Variants in ATG7 observed in about 807,000 individuals in gnomAD.
ATG7 encodes ubiquitin-like modifier-activating enzyme ATG7.
Under a neutral mutation model 82.4 loss-of-function variants are expected in ATG7, and 70 were observed. The ratio of observed to expected loss-of-function variants is 0.85; its 90% CI spans 0.70 to 1.04. The LOEUF (loss-of-function observed/expected upper bound fraction) is 1.04, where lower values mean the gene tolerates loss of function less well. ATG7 is among the 50% of genes least tolerant of loss of function. The probability of loss-of-function intolerance (pLI) is 0.00; values close to 1 mark genes in which losing one functional copy is unlikely to be tolerated. For missense variants in ATG7, 792 were observed against 864.3 expected, an observed-to-expected ratio of 0.92 and a Z score of 1.05; for synonymous variants, 287 against 313.0, an observed-to-expected ratio of 0.92 and a Z score of 0.88.
At chr3:11,342,847 A>C (rs1405609431) in intron 13 of ATG7, among the ~76,000 whole-genome samples, 3 of 149,640 alleles carry the variant, frequency 2.0e-5, no homozygotes, top group Non-Finnish European at 4.4e-5. Flanking sequence ...TTTTTTTTTT[A>C]GGAAAAAAAC....
At chr3:11,353,537 A>G (rs539725559) in intron 14 of ATG7, among the ~76,000 whole-genome samples, 3 of 152,332 alleles carry the variant, frequency 2.0e-5, no homozygotes, top group Admixed American at 1.3e-4. Flanking sequence ...CTCATGTTGA[A>G]TTGTGATCCT....
intron 18 of ATG7, among the ~76,000 whole-genome samples, chr3:11,368,815 T>C (rs1289871345): frequency 6.6e-6 from 1 of 150,908 alleles, no homozygotes; most frequent in East Asian, 1.9e-4. Flanking sequence ...GCATTCCTGC[T>C]TTATCCCACT....
intron 18 of ATG7, among the ~76,000 whole-genome samples, chr3:11,377,347 A>G (rs905629285): frequency 6.6e-6 from 1 of 152,212 alleles, no homozygotes; most frequent in Non-Finnish European, 1.5e-5. Context: ...TTCCTAGTAA[A>G]GAACTGTCTG....
chr3:11,427,539 C>T (rs540059937), intron 20 of ATG7, among the ~76,000 whole-genome samples: 7 of 150,196 alleles, frequency 4.7e-5, no homozygotes, highest in East Asian at 2.0e-4. Context: ...AATTATCGGC[C>T]GGGCGAGGTG....
At chr3:11,444,916 A>G (rs2084372686) in intron 20 of ATG7, among the ~76,000 whole-genome samples, 1 of 152,224 alleles carries the variant, frequency 6.6e-6, no homozygotes. Context: ...ACACACTTCT[A>G]AAAGAAGACA....
At chr3:11,351,926 T>G (rs1017213833) in intron 14 of ATG7, among the ~76,000 whole-genome samples, 2 of 151,870 alleles carry the variant, frequency 1.3e-5, no homozygotes, top group Middle Eastern at 3.4e-3. Flanking sequence ...TATGTATACA[T>G]GTGCCATGTT....
chr3:11,295,759 ATTTCTTTCTTTCT>A (rs72396055), intron 3 of ATG7, among the ~76,000 whole-genome samples: 73,690 of 142,362 alleles, frequency 0.52, 19,911 homozygotes, highest in Non-Finnish European at 0.62. Flanking sequence ...TACTGGTTCT[ATTTCTTTCTTTCT>A]TTTCTTTCTT....
At chr3:11,572,678 C>G in the ATG7 span, among the ~76,000 whole-genome samples, 2 of 152,184 alleles carry the variant, frequency 1.3e-5, no homozygotes. Context: ...TGCCAGCACA[C>G]TGTATGTCTT....
At chr3:11,544,705 G>T (rs1028985828) in intron 20 of ATG7, among the ~76,000 whole-genome samples, 1 of 152,250 alleles carries the variant, frequency 6.6e-6, no homozygotes, top group Non-Finnish European at 1.5e-5. Context: ...CGAGGGGCCC[G>T]CCCTTGACTG....
At chr3:11,460,886 T>G (rs112172792) in intron 20 of ATG7, among the ~76,000 whole-genome samples, 2,596 of 152,294 alleles carry the variant, frequency 0.017, 79 homozygotes, top group African/African-American at 0.059. Context: ...TCCATCCATG[T>G]GTATGGAGCC....
intron 20 of ATG7, among the ~76,000 whole-genome samples, chr3:11,515,407 G>A (rs951513199): frequency 6.6e-6 from 1 of 152,088 alleles, no homozygotes; most frequent in East Asian, 1.9e-4. Flanking sequence ...CGGTTCAAGC[G>A]ATTGTCCTGC....
chr3:11,574,611 A>G, the ATG7 span, among the ~76,000 whole-genome samples: 2 of 152,204 alleles, frequency 1.3e-5, no homozygotes, highest in African/African-American at 4.8e-5. Context: ...GCAGTTAACA[A>G]TAATACACTA....
chr3:11,538,851 G>A (rs1190577915), intron 20 of ATG7, among the ~76,000 whole-genome samples: 1 of 143,492 alleles, frequency 7.0e-6, no homozygotes, highest in Non-Finnish European at 1.5e-5. Flanking sequence ...CACATACTGG[G>A]CAACAGAGTG....
intron 20 of ATG7, among the ~76,000 whole-genome samples, chr3:11,440,866 T>TA (rs2083872853): frequency 6.6e-6 from 1 of 151,304 alleles, no homozygotes; most frequent in African/African-American, 2.4e-5. Flanking sequence ...GTATTTTTAG[T>TA]AGAGATGGGG....
chr3:11,494,879 C>T (rs184937901), intron 20 of ATG7, among the ~76,000 whole-genome samples: 58 of 152,242 alleles, frequency 3.8e-4, no homozygotes, highest in African/African-American at 1.1e-3. Flanking sequence ...CGAGACCAGC[C>T]TGACCAACAT....
At chr3:11,450,415 A>G (rs573217892) in intron 20 of ATG7, among the ~76,000 whole-genome samples, 1 of 152,218 alleles carries the variant, frequency 6.6e-6, no homozygotes, top group South Asian at 2.1e-4. Flanking sequence ...TTGGTAGGTC[A>G]TCATTTTCCA....
Position 11,298,835 on chromosome 3 carries a change from T to C in ATG7, c.140T>C (p.Ile47Thr). The C allele has an allele frequency of 2.5e-6, 4 of 1,614,096 alleles. No individual in the cohort carries two copies. Among genetic ancestry groups the C allele is most frequent in the Non-Finnish European group, 3.4e-6 (4 of 1,179,946 alleles). Residue 47 changes from isoleucine (I) to threonine (T), a missense_variant, in exon 4 of 21, where the codon ATT becomes ACT. Ile to Thr is a moderately conservative substitution (Grantham distance 89, BLOSUM62 -1). Transcript: ENST00000693202. ...EYRLDEAPKD[I>T]KGYYYNGDSA... is the part of the protein sequence containing the mutation. The stretch of plus-strand genomic sequence containing the variant: ...CGGCTGGATGAAGCTCCCAAGGACA[T>C]TAAGGGTTATTACTACAATGGTAGG...
chr3:11,285,171 CT>C (rs768654707), intron 3 of ATG7, among the ~76,000 whole-genome samples: 289 of 118,254 alleles, frequency 2.4e-3, no homozygotes, highest in Middle Eastern at 5.7e-3. Flanking sequence ...AAAGCCCGGC[CT>C]TTTTTTTTTT....
intron 20 of ATG7, among the ~76,000 whole-genome samples, chr3:11,523,469 C>T (rs1423410765): frequency 6.6e-6 from 1 of 152,220 alleles, no homozygotes; most frequent in African/African-American, 2.4e-5. Context: ...TCCCGGACAA[C>T]CCATTCTTCC....
Sources: gnomAD v4.1 joint callset for allele counts (sites outside exome capture counted in the v4.1 genomes callset) on GRCh38, gnomAD v4.1.1 for gene constraint, MANE v1.5 for transcripts, NCBI Gene and HGNC (gene_info 2026-07-23, HGNC 2026-07-21) for gene names.